The following GREM1 variants were observed in gnomAD, a reference collection of about 807,000 sequenced individuals.
GREM1 encodes gremlin-1.
A neutral mutation model predicts 13.1 loss-of-function variants in GREM1; 6 were observed. That is an observed-to-expected ratio of 0.46 (90% CI 0.25 to 0.91). The LOEUF (loss-of-function observed/expected upper bound fraction) is 0.91. Among genes scored for constraint, GREM1 ranks in the 40% least tolerant of loss-of-function variants. GREM1 has a pLI of 0.18. For synonymous variants in GREM1, 98 were observed against 93.7 expected (o/e 1.05, Z -0.27); for missense variants, 185 against 233.9 (o/e 0.79, Z 1.36).
In GREM1 at chr15:32,733,714, A is replaced by C. The variant is rs114363828; in HGVS notation, c.*2469A>C. ...TATTCGAGTCACTGATGATGTAATG[A>C]TATATTTTTTCATTATTATAGTAGA... is the stretch of plus-strand genomic sequence containing the variant. On this transcript the variant is annotated 3_prime_UTR_variant, in exon 2 of 2. Transcript: ENST00000651154. 456 of 229,278 alleles carry C rather than the reference A, an allele frequency of 2.0e-3. 2 individuals carry two copies. The highest frequency in any genetic ancestry group is 8.4e-3 in the African/African-American group (375 of 44,484). 14.2% of individuals were successfully genotyped at this position (229,278 alleles called of 1,614,324 possible).
rs2055653044 is a variant in GREM1 at position 32,733,342 on chromosome 15, G to A, written c.*2097G>A. 4.4e-6 allele frequency: 1 copy of A among 224,928 alleles called. No homozygotes were observed. The highest frequency in any genetic ancestry group is 5.9e-5 in the Admixed American group (1 of 16,936). 13.9% of individuals were successfully genotyped at this position (224,928 alleles called of 1,614,324 possible). A position where few individuals can be genotyped will look rare whatever the true frequency, so the allele number is the denominator to read the frequency against. ...AAGCTGAAAATGTAAAACCACACCAGGGAGGAAAAATGACATTCAGAACCA... is the reference window on the plus strand; with the variant it reads ...AAGCTGAAAATGTAAAACCACACCAAGGAGGAAAAATGACATTCAGAACCA... On this transcript the variant is annotated 3_prime_UTR_variant, in exon 2 of 2. Coordinates refer to ENST00000651154, the MANE Select transcript of GREM1 (RefSeq NM_013372.7).
chr15:32,726,547 A>T (rs977826565), intron 1 of GREM1, among the ~76,000 whole-genome samples: 1 of 152,204 alleles, frequency 6.6e-6, no homozygotes, highest in African/African-American at 2.4e-5. Flanking sequence ...AAAGCGGGAC[A>T]GATCTAAAAT....
intron 1 of GREM1, among the ~76,000 whole-genome samples, chr15:32,721,350 C>T (rs1037265570): frequency 2.6e-5 from 4 of 152,042 alleles, no homozygotes; most frequent in African/African-American, 9.7e-5. Flanking sequence ...TAATGCCTGG[C>T]ACAGTAAGGG....
Position 32,734,421 on chromosome 15 carries a change from C to G in GREM1, c.*3176C>G, listed in dbSNP as rs987666793. The G allele has an allele frequency of 1.1e-4, 27 of 246,252 alleles. No homozygotes were observed. Among genetic ancestry groups the G allele is most frequent in the Non-Finnish European group, 1.7e-4 (20 of 117,124 alleles). 15.3% of individuals were successfully genotyped at this position (246,252 alleles called of 1,614,324 possible). ...GAGTGAAAGTAGTTCTATTGACATT[C>G]CTCAAGATATTTAATATCAACTGCA... On this transcript the variant is annotated 3_prime_UTR_variant, in exon 2 of 2. Transcript: ENST00000651154.
In GREM1 at chr15:32,731,174, C is replaced by T; in HGVS notation, c.484C>T (p.Gln162Ter). The T allele has an allele frequency of 6.2e-7, 1 of 1,614,162 alleles. No homozygotes were observed. The highest frequency in any genetic ancestry group is 8.5e-7 in the Non-Finnish European group (1 of 1,180,000). Residue 162 changes from glutamine (Q) to a stop codon, truncating the protein, a stop_gained, in exon 2 of 2, where the codon CAG becomes TAG. Transcript: ENST00000651154. LOFTEE classifies it high-confidence loss of function. ...MMVTLNCPEL[Q>*]PPTKKKRVTR... The stretch of plus-strand genomic sequence containing the variant: ...GGTCACACTCAACTGCCCTGAACTA[C>T]AGCCACCTACCAAGAAGAAGAGAGT...
chr15:32,732,631 G>A lies in GREM1; in HGVS notation c.*1386G>A. On this transcript the variant is annotated 3_prime_UTR_variant, in exon 2 of 2. Transcript: ENST00000651154. ...AGGATCTGAGGGGACCCTGTTAGGA[G>A]AGCATAGCATCATGATGTATTAGCT... 1 of 244,442 alleles carries A rather than the reference G, an allele frequency of 4.1e-6. No homozygotes were observed. Among genetic ancestry groups the A allele is most frequent in the East Asian group, 6.2e-5 (1 of 16,090 alleles). 15.1% of individuals were successfully genotyped at this position (244,442 alleles called of 1,614,324 possible). A position where few individuals can be genotyped will look rare whatever the true frequency, so the allele number is the denominator to read the frequency against.
intron 1 of GREM1, among the ~76,000 whole-genome samples, chr15:32,721,733 G>A (rs1204390980): frequency 1.3e-5 from 2 of 152,032 alleles, no homozygotes; most frequent in Admixed American, 6.6e-5. Flanking sequence ...CAGCCTGGGT[G>A]ACATCTCTTA....
At chr15:32,729,085 G>A (rs1281884853) in intron 1 of GREM1, among the ~76,000 whole-genome samples, 2 of 150,896 alleles carry the variant, frequency 1.3e-5, no homozygotes, top group East Asian at 2.0e-4. Flanking sequence ...GTGCAGTGGC[G>A]CGATCTCGGC....
Position 32,734,723 on chromosome 15 carries a change from G to A in GREM1, c.*3478G>A. On this transcript the variant is annotated 3_prime_UTR_variant, in exon 2 of 2. Transcript: ENST00000651154. ...TGTTCCTAGGGCAGAGGTGGAGCAG[G>A]GATGCACTTATCATGGGAAGGGAGG... The A allele has an allele frequency of 4.7e-6, 1 of 211,916 alleles. No homozygotes were observed. The allele number at this position is 211,916 out of a possible 1,614,324, so 13.1% of individuals were successfully genotyped here.
intron 1 of GREM1, among the ~76,000 whole-genome samples, chr15:32,728,971 A>G (rs1267781152): frequency 6.6e-6 from 1 of 151,960 alleles, no homozygotes; most frequent in East Asian, 1.9e-4. Context: ...CATAATCTGC[A>G]TCTTAACAAT....
Position 32,730,833 on chromosome 15 carries a change from A to C in GREM1, c.143A>C (p.Gln48Pro), listed in dbSNP as rs770819924. Residue 48 changes from glutamine to proline, a missense_variant, in exon 2 of 2, where the codon CAG (glutamine) becomes CCG (proline). By Grantham distance (76) the Gln-to-Pro change is moderately conservative. Transcript: ENST00000651154. ...CAGCACAATGACTCAGAGCAGACTC[A>C]GTCGCCCCAGCAGCCTGGCTCCAGG... is the stretch of plus-strand genomic sequence containing the variant. ...KAQHNDSEQT[Q>P]SPQQPGSRNR... 1 of 1,613,856 alleles carries C rather than the reference A, an allele frequency of 6.2e-7. No individual in the cohort carries two copies. The highest frequency in any genetic ancestry group is 8.5e-7 in the Non-Finnish European group (1 of 1,179,882).
rs2055792648 is a variant in GREM1, at chr15:32,744,855, G to A, written c.*13610G>A. ...ATGAATGCTCTGTGCCACAGAAGGA[G>A]CTGTTGCACTATTCATTCCCGTTTC... On this transcript the variant is annotated 3_prime_UTR_variant, in exon 2 of 2. Transcript: ENST00000651154. The A allele has an allele frequency of 6.6e-6, 1 of 152,128 alleles. No individual in the cohort carries two copies. Among genetic ancestry groups the A allele is most frequent in the African/African-American group, 2.4e-5 (1 of 41,432 alleles). The allele number at this position is 152,128 out of a possible 1,614,324, so 9.4% of individuals were successfully genotyped here. A position where few individuals can be genotyped will look rare whatever the true frequency, so the allele number is the denominator to read the frequency against.
chr15:32,725,769 G>A (rs1009731772), intron 1 of GREM1, among the ~76,000 whole-genome samples: 1 of 152,140 alleles, frequency 6.6e-6, no homozygotes, highest in Non-Finnish European at 1.5e-5. Context: ...TATGGTTTTA[G>A]GTCTTACATT....
chr15:32,732,410 G>A lies in GREM1; in HGVS notation c.*1165G>A, dbSNP rs1595853617. On this transcript the variant is annotated 3_prime_UTR_variant, in exon 2 of 2. Transcript: ENST00000651154. ...CCTGACAGTAGTCTAAGATGAGAGAGTTTAGGGACTACTCTGTTTTAGCAA... is the reference window on the plus strand; with the variant it reads ...CCTGACAGTAGTCTAAGATGAGAGAATTTAGGGACTACTCTGTTTTAGCAA... 6 of 244,702 alleles carry A rather than the reference G, an allele frequency of 2.5e-5. No homozygotes were observed. In the East Asian group the frequency reaches 3.7e-4, roughly 15 times the overall value. The allele number at this position is 244,702 out of a possible 1,614,324, so 15.2% of individuals were successfully genotyped here. A position where few individuals can be genotyped will look rare whatever the true frequency, so the allele number is the denominator to read the frequency against.
chr15:32,724,621 A>G (rs1406734101), intron 1 of GREM1, among the ~76,000 whole-genome samples: 3 of 151,020 alleles, frequency 2.0e-5, no homozygotes, highest in East Asian at 2.0e-4. Context: ...GGCGTTTCTC[A>G]TAAGTGCTTT....
intron 1 of GREM1, among the ~76,000 whole-genome samples, chr15:32,722,094 C>T (rs7167214): frequency 6.6e-6 from 1 of 151,978 alleles, no homozygotes; most frequent in Non-Finnish European, 1.5e-5. Context: ...CTCTACCTGT[C>T]TGCCAACAAG....
At chr15:32,718,216 A>G in intron 1 of GREM1, 55 bp downstream of exon 1, 2 of 1,285,200 alleles carry the variant, frequency 1.6e-6, no homozygotes, top group Non-Finnish European at 2.1e-6. Flanking sequence ...AGAGGGCCGC[A>G]AACCAACCCA....
chr15:32,721,109 T>C (rs1000695125), intron 1 of GREM1, among the ~76,000 whole-genome samples: 2 of 152,092 alleles, frequency 1.3e-5, no homozygotes, highest in African/African-American at 2.4e-5. Context: ...TGAGCCCAGA[T>C]AGCGCCATTG....
chr15:32,719,202 C>T (rs980844582), intron 1 of GREM1, among the ~76,000 whole-genome samples: 1 of 152,252 alleles, frequency 6.6e-6, no homozygotes, highest in Non-Finnish European at 1.5e-5. Context: ...GGGCTGTCAC[C>T]TCCTTGCTGG....
Sources: allele counts gnomAD v4.1 joint callset (sites outside exome capture counted in the v4.1 genomes callset), GRCh38; gene constraint gnomAD v4.1.1; transcripts MANE v1.5; gene names NCBI Gene and HGNC (gene_info 2026-07-23, HGNC 2026-07-21).